Variants in CCAR2 observed in about 807,000 individuals in gnomAD.
The protein encoded by CCAR2 is cell cycle and apoptosis regulator 2.
In CCAR2, 21 loss-of-function variants were observed where a neutral mutation model predicts 108.1. The observed-to-expected ratio is 0.19, with a 90% CI of 0.14 to 0.28. The LOEUF is 0.28. Ranked by LOEUF, CCAR2 falls within the 10% of genes least tolerant of loss-of-function variation. CCAR2 has a pLI of 1.00. For missense variants in CCAR2, 1,126 were observed against 1,177.0 expected, an observed-to-expected ratio of 0.96 and a Z score of 0.63; for synonymous variants, 577 against 472.8, an observed-to-expected ratio of 1.22 and a Z score of -2.86.
chr8:22,617,438 C>T lies in CCAR2; in HGVS notation c.1864C>T (p.Pro622Ser), dbSNP rs1401030741. 4.5e-6 allele frequency: 7 copies of T among 1,562,726 alleles called. No individual in the cohort carries two copies. Among genetic ancestry groups the T allele is most frequent in the African/African-American group, 4.1e-5 (3 of 72,452 alleles). Residue 622 changes from proline to serine, a missense_variant, in exon 15 of 21, where the codon CCC becomes TCC. Physicochemically the swap from Pro to Ser is moderately conservative, Grantham distance 74. Coordinates refer to ENST00000308511, the MANE Select transcript of CCAR2 (RefSeq NM_001393997.1). ...TCTGTAGAAGGAGGATGGGCTTTTG[C>T]CCAAACCACTCTCTTCTGGGGGAGA... The part of the protein sequence containing the change: ...EAPLKEDGLL[P>S]KPLSSGGEEE...
chr8:22,615,661 T>C lies in CCAR2; in HGVS notation c.1378-21T>C, dbSNP rs780793507. 4 of 1,613,726 alleles carry C rather than the reference T, an allele frequency of 2.5e-6. No homozygotes were observed. In the South Asian group the frequency reaches 4.4e-5, roughly 18 times the overall value. On this transcript the variant is annotated intron_variant, in intron 12 of 20. Coordinates refer to ENST00000308511, the MANE Select transcript of CCAR2 (RefSeq NM_001393997.1). ...GCCTAATCCCGGGACCCAGAGGGTC[T>C]CATTTCAGCTGTTGTCACAGGAAAC... is the stretch of plus-strand genomic sequence containing the variant.
rs774399424 is a variant in CCAR2, at chr8:22,615,762, G to A, written c.1458G>A (p.Glu486=). 1.2e-6 allele frequency: 2 copies of A among 1,613,880 alleles called. No homozygotes were observed. The highest frequency in any genetic ancestry group is 2.2e-5 in the East Asian group (1 of 44,880). The part of the protein sequence containing the change: ...DTSRRNAETP[E]ATTQQETDTD... ...CTAGACGGAACGCAGAAACTCCAGA[G>A]GCCACCACACAGCAGGAAACGGACA... Residue 486 remains glutamate (E), a synonymous_variant, in exon 13 of 21, where the codon GAG becomes GAA. Transcript: ENST00000308511.
In CCAR2 at chr8:22,620,136, C is replaced by T. The variant is rs1585170426; in HGVS notation, c.*454C>T. ...CCCCCTCCTCCGGATGGCACAGGCT[C>T]TGCTAGGTTCCGGACACAGGCTTCT... On this transcript the variant is annotated 3_prime_UTR_variant, in exon 21 of 21. Transcript: ENST00000308511. 1.2e-5 allele frequency: 2 copies of T among 173,626 alleles called. No homozygotes were observed. Among genetic ancestry groups the T allele is most frequent in the Non-Finnish European group, 2.5e-5 (2 of 80,150 alleles). The allele number at this position is 173,626 out of a possible 1,614,324, so 10.8% of individuals were successfully genotyped here. A position where few individuals can be genotyped will look rare whatever the true frequency, so the allele number is the denominator to read the frequency against.
At chr8:22,606,561 T>C (rs1344170543) in intron 3 of CCAR2, 46 bp from the exon 4 acceptor site, 2 of 1,489,638 alleles carry the variant, frequency 1.3e-6, no homozygotes, top group Non-Finnish European at 1.9e-6. Context: ...TGTGATTTTG[T>C]CCAGTTTCCT....
Position 22,605,820 on chromosome 8 carries a change from G to A in CCAR2, c.47G>A (p.Arg16His). The change falls in exon 2 of 21, where the codon CGC becomes CAC. Residue 16 changes from arginine to histidine, a missense_variant. Around this residue, in one of 4 missense-constraint regions of CCAR2, gnomAD observed 52 missense variants for 63.7 expected, o/e 0.82. Transcript: ENST00000308511. ...CGGATCAACCCGCTTCCAGGGGGAC[G>A]CAACTTCTCAGGTGATCACTGTTCT... ...RQRINPLPGGRNFSGTASTSL... is the reference protein window; with the variant it reads ...RQRINPLPGGHNFSGTASTSL... 6.2e-7 allele frequency: 1 copy of A among 1,613,872 alleles called. No individual in the cohort carries two copies. The highest frequency in any genetic ancestry group is 8.5e-7 in the Non-Finnish European group (1 of 1,179,878).
Position 22,619,712 on chromosome 8 carries a change from G to C in CCAR2, c.*30G>C, listed in dbSNP as rs1801686334. 6.4e-7 allele frequency: 1 copy of C among 1,554,592 alleles called. No individual in the cohort carries two copies. The highest frequency in any genetic ancestry group is 1.9e-5 in the Admixed American group (1 of 51,776). On this transcript the variant is annotated 3_prime_UTR_variant, in exon 21 of 21. Coordinates refer to ENST00000308511, the MANE Select transcript of CCAR2 (RefSeq NM_001393997.1). The stretch of plus-strand genomic sequence containing the variant: ...CTCGCACGGAACTGCCATCCTGTGA[G>C]GGCAGCGGTGGCGCCCGGCAAAGTT...
In CCAR2 at chr8:22,619,825, C is replaced by A; in HGVS notation, c.*143C>A. 1.2e-6 allele frequency: 1 copy of A among 833,924 alleles called. No homozygotes were observed. Among genetic ancestry groups the A allele is most frequent in the Non-Finnish European group, 1.9e-6 (1 of 520,322 alleles). The allele number at this position is 833,924 out of a possible 1,614,324, so 51.7% of individuals were successfully genotyped here. The stretch of plus-strand genomic sequence containing the variant: ...GACCCCATGCTCAGCCTCTAGGGGA[C>A]GGCAGGCCATCAGGCTGGGGGCTGT... On this transcript the variant is annotated 3_prime_UTR_variant, in exon 21 of 21. Coordinates refer to ENST00000308511, the MANE Select transcript of CCAR2 (RefSeq NM_001393997.1).
At chr8:22,620,474 G>C (rs575607726), downstream of CCAR2, 7 of 122,876 alleles carry the variant, frequency 5.7e-5, no homozygotes, top group Non-Finnish European at 1.2e-4. Flanking sequence ...AAAACAAACT[G>C]AGAGTGTGTC....
rs757965399 is a variant in CCAR2, at chr8:22,614,139, T to C, written c.752T>C (p.Leu251Pro). Reference sequence around the variant, plus strand: ...CTCCAGCGCCGTTACCGCAGCCTCCTGGTCCCCTCAGATTTTCTGTCCGTG... The same window carrying C: ...CTCCAGCGCCGTTACCGCAGCCTCCCGGTCCCCTCAGATTTTCTGTCCGTG... ...LELQRRYRSL[L>P]VPSDFLSVHL... The change falls in exon 9 of 21, where the codon CTG (leucine) becomes CCG (proline). Residue 251 changes from leucine to proline, a missense_variant. Around this residue, in one of 4 missense-constraint regions of CCAR2, gnomAD observed 1,013 missense variants for 993.9 expected, o/e 1.02. Transcript: ENST00000308511. The C allele has an allele frequency of 1.5e-5, 24 of 1,614,106 alleles. No individual in the cohort carries two copies. The highest frequency in any genetic ancestry group is 1.9e-5 in the Non-Finnish European group (23 of 1,180,036).
chr8:22,610,119 C>T (rs183549786), intron 7 of CCAR2, among the ~76,000 whole-genome samples: 68 of 152,274 alleles, frequency 4.5e-4, no homozygotes, highest in Admixed American at 2.3e-3. Context: ...GGATACTCAA[C>T]CTATACTACC....
At position 22,614,943 on chromosome 8, in the gene CCAR2, A is replaced by G; in HGVS notation, c.1147A>G (p.Thr383Ala). 6.2e-7 allele frequency: 1 copy of G among 1,611,556 alleles called. No homozygotes were observed. The highest frequency in any genetic ancestry group is 8.5e-7 in the Non-Finnish European group (1 of 1,179,104). Reference protein sequence around the residue: ...PQADPQVLVRTAIRCAQAQTG... With the variant: ...PQADPQVLVRAAIRCAQAQTG... ...GGCTGACCCGCAGGTGCTGGTGCGT[A>G]CCGCCATCCGCTGTGCGCAGGCCCA... Residue 383 changes from threonine to alanine, a missense_variant, in exon 11 of 21, where the codon ACC becomes GCC. Thr to Ala is a moderately conservative substitution (Grantham distance 58). This residue lies in a region of CCAR2 where 1,013 missense variants were observed against 993.9 expected (regional missense o/e 1.02). Coordinates refer to ENST00000308511, the MANE Select transcript of CCAR2 (RefSeq NM_001393997.1).
chr8:22,618,131 G>A, intron 16 of CCAR2: 1 of 622,314 alleles, frequency 1.6e-6, no homozygotes, highest in Non-Finnish European at 2.8e-6. Flanking sequence ...CCAGGCTGGA[G>A]CACAGTGGTT....
At chr8:22,605,034 C>A in intron 1 of CCAR2, 192 bp downstream of exon 1, 1 of 298,784 alleles carries the variant, frequency 3.3e-6, no homozygotes, top group Non-Finnish European at 6.6e-6. Context: ...GGAGAAACCG[C>A]GCGCCTCAGT....
intron 20 of CCAR2, 64 bp from the exon 21 acceptor site, chr8:22,619,574 C>T: frequency 2.6e-6 from 4 of 1,528,028 alleles, no homozygotes; most frequent in Non-Finnish European, 1.8e-6. Context: ...AGGCAGTCCG[C>T]AGTCCGCAGT....
At position 22,619,523 on chromosome 8, in the gene CCAR2, A is replaced by G. The variant is rs1235393157; in HGVS notation, c.2728-115A>G. 6.3e-6 allele frequency: 9 copies of G among 1,417,582 alleles called. No individual in the cohort carries two copies. The East Asian group carries it at 2.0e-4, about 32-fold the overall frequency. 87.8% of individuals were successfully genotyped at this position (1,417,582 alleles called of 1,614,324 possible). A position where few individuals can be genotyped will look rare whatever the true frequency, so the allele number is the denominator to read the frequency against. On this transcript the variant is annotated intron_variant, in intron 20 of 20. Coordinates refer to ENST00000308511, the MANE Select transcript of CCAR2 (RefSeq NM_001393997.1). ...GCCCCTGGTTGCAGGTTCTCTGGGAATTGAGCAGTCAGCAGCGTGCAGTGG... is the reference window on the plus strand; with the variant it reads ...GCCCCTGGTTGCAGGTTCTCTGGGAGTTGAGCAGTCAGCAGCGTGCAGTGG...
At position 22,614,918 on chromosome 8, in the gene CCAR2, G is replaced by C. The variant is rs1342792903; in HGVS notation, c.1122G>C (p.Gln374His). Reference sequence around the variant, plus strand: ...CTTCCCTGGATGGCCTCGACCCCCAGGCTGACCCGCAGGTGCTGGTGCGTA... The same window carrying C: ...CTTCCCTGGATGGCCTCGACCCCCACGCTGACCCGCAGGTGCTGGTGCGTA... The part of the protein sequence containing the change: ...WSPSLDGLDP[Q>H]ADPQVLVRTA... The change falls in exon 11 of 21, where the codon CAG becomes CAC. Residue 374 changes from glutamine (Q) to histidine (H), a missense_variant. Physicochemically the swap from Gln to His is conservative, Grantham distance 24. This residue lies in a region of CCAR2 where 1,013 missense variants were observed against 993.9 expected (regional missense o/e 1.02). Transcript: ENST00000308511. The C allele has an allele frequency of 1.9e-6, 3 of 1,613,582 alleles. No homozygotes were observed. Among genetic ancestry groups the C allele is most frequent in the South Asian group, 1.1e-5 (1 of 90,992 alleles).
intron 7 of CCAR2, among the ~76,000 whole-genome samples, chr8:22,608,936 A>C (rs1484126877): frequency 6.6e-6 from 1 of 152,060 alleles, no homozygotes; most frequent in African/African-American, 2.4e-5. Context: ...CACTGCTCCC[A>C]CTTGATTTTG....
intron 10 of CCAR2, 52 bp from the exon 11 acceptor site, chr8:22,614,786 G>A (rs757981153): frequency 8.3e-7 from 1 of 1,211,986 alleles, no homozygotes; most frequent in Non-Finnish European, 1.1e-6. Context: ...CCTGCAGTGG[G>A]AGACCCAGGT....
chr8:22,611,599 C>T (rs1319937694), intron 7 of CCAR2, among the ~76,000 whole-genome samples: 1 of 151,940 alleles, frequency 6.6e-6, no homozygotes, highest in African/African-American at 2.4e-5. Flanking sequence ...CTCCTGTGTT[C>T]TAGTTTTTAT....
Sources: allele counts gnomAD v4.1 joint callset (sites outside exome capture counted in the v4.1 genomes callset), GRCh38; gene constraint gnomAD v4.1.1; regional missense constraint gnomAD v4.1.1; transcripts MANE v1.5; gene names NCBI Gene and HGNC (gene_info 2026-07-23, HGNC 2026-07-21).